LHFPL3: variants seen among roughly 807,000 people sequenced by gnomAD.
LHFPL3 encodes LHFPL tetraspan subfamily member 3 protein.
In LHFPL3, 5 loss-of-function variants were observed where a neutral mutation model predicts 19.3. That is an observed-to-expected ratio of 0.26 (90% CI 0.14 to 0.54). The LOEUF is 0.54. LHFPL3 is among the 20% of genes least tolerant of loss of function. The pLI is 0.94. For missense variants in LHFPL3, 249 were observed against 307.4 expected (o/e 0.81, Z 1.42); for synonymous variants, 133 against 126.2 (o/e 1.05, Z -0.36).
At chr7:104,523,144 A>C (rs1010559027) in intron 1 of LHFPL3, among the ~76,000 whole-genome samples, 1 of 152,122 alleles carries the variant, frequency 6.6e-6, no homozygotes, top group Non-Finnish European at 1.5e-5. Flanking sequence ...ACTTCATATA[A>C]AGTATGCTTC....
chr7:104,591,760 T>A (rs1790728563), intron 1 of LHFPL3, among the ~76,000 whole-genome samples: 1 of 152,206 alleles, frequency 6.6e-6, no homozygotes. Flanking sequence ...ACTAATCAGA[T>A]GTAGATTTGG....
intron 2 of LHFPL3, among the ~76,000 whole-genome samples, chr7:104,850,160 G>A (rs1227864655): frequency 6.6e-6 from 1 of 152,160 alleles, no homozygotes; most frequent in Admixed American, 6.5e-5. Context: ...AAATTAGCCA[G>A]GCGTGGTGGC....
chr7:104,470,211 A>G (rs1023297435), intron 1 of LHFPL3, among the ~76,000 whole-genome samples: 1 of 152,228 alleles, frequency 6.6e-6, no homozygotes, highest in Non-Finnish European at 1.5e-5. Flanking sequence ...ATGGAAAAAA[A>G]TGATCAGTCA....
chr7:104,430,428 A>ATATG (rs1378407408), intron 1 of LHFPL3, among the ~76,000 whole-genome samples: 55 of 11,442 alleles, frequency 4.8e-3, no homozygotes, highest in African/African-American at 0.012. Context: ...ACATATATAT[A>ATATG]TATATATATA....
intron 2 of LHFPL3, 150 bp from the exon 3 acceptor site, chr7:104,906,037 G>T: frequency 1.4e-6 from 1 of 730,434 alleles, no homozygotes. Flanking sequence ...TTCCAGTATT[G>T]TTTGGTAACA....
intron 1 of LHFPL3, among the ~76,000 whole-genome samples, chr7:104,589,622 C>T (rs1370898551): frequency 6.6e-6 from 1 of 152,092 alleles, no homozygotes; most frequent in Non-Finnish European, 1.5e-5. Flanking sequence ...TGATGTTGGC[C>T]TCATAAAATG....
intron 1 of LHFPL3, among the ~76,000 whole-genome samples, chr7:104,577,215 C>T (rs1313949730): frequency 6.6e-6 from 1 of 152,090 alleles, no homozygotes; most frequent in Non-Finnish European, 1.5e-5. Flanking sequence ...ACATATTAAA[C>T]ACATGGGAGA....
At chr7:104,456,466 G>A (rs1483169848) in intron 1 of LHFPL3, among the ~76,000 whole-genome samples, 2 of 152,206 alleles carry the variant, frequency 1.3e-5, no homozygotes, top group East Asian at 3.8e-4. Context: ...GTGGATGCCT[G>A]AAACCTCAGA....
intron 1 of LHFPL3, among the ~76,000 whole-genome samples, chr7:104,700,263 T>C (rs1584486881): frequency 1.3e-5 from 2 of 152,312 alleles, no homozygotes; most frequent in South Asian, 4.1e-4. Context: ...AGCAGAGTAC[T>C]GGTCCCCTTT....
chr7:104,516,414 C>A (rs1554402851), intron 1 of LHFPL3, among the ~76,000 whole-genome samples: 1 of 151,980 alleles, frequency 6.6e-6, no homozygotes, highest in Non-Finnish European at 1.5e-5. Context: ...CAACAAATTT[C>A]CATTTTTTAA....
intron 1 of LHFPL3, among the ~76,000 whole-genome samples, chr7:104,574,162 T>C (rs1790280505): frequency 6.6e-6 from 1 of 152,154 alleles, no homozygotes; most frequent in South Asian, 2.1e-4. Flanking sequence ...AATTTTTCAA[T>C]TATATTTGCC....
At chr7:104,644,198 T>G (rs534013300) in intron 1 of LHFPL3, among the ~76,000 whole-genome samples, 1 of 152,306 alleles carries the variant, frequency 6.6e-6, no homozygotes, top group Non-Finnish European at 1.5e-5. Flanking sequence ...CAGTTTTGTT[T>G]GCTGGATCTT....
intron 1 of LHFPL3, among the ~76,000 whole-genome samples, chr7:104,680,454 G>T (rs567473311): frequency 2.6e-5 from 4 of 152,166 alleles, no homozygotes; most frequent in Non-Finnish European, 5.9e-5. Flanking sequence ...TTGTATGAGT[G>T]ACATGAGCAA....
chr7:104,820,407 G>A (rs942824351), intron 2 of LHFPL3, among the ~76,000 whole-genome samples: 2 of 152,072 alleles, frequency 1.3e-5, no homozygotes, highest in Admixed American at 6.6e-5. Flanking sequence ...TGCATGCCTG[G>A]GATACATTTT....
At chr7:104,595,474 G>A (rs750223374) in intron 1 of LHFPL3, among the ~76,000 whole-genome samples, 7 of 152,168 alleles carry the variant, frequency 4.6e-5, no homozygotes, top group Non-Finnish European at 8.8e-5. Flanking sequence ...GATGTCTGTC[G>A]GCCCCTACTT....
intron 1 of LHFPL3, among the ~76,000 whole-genome samples, chr7:104,461,524 C>A (rs547897541): frequency 2.4e-4 from 36 of 152,100 alleles, no homozygotes; most frequent in Non-Finnish European, 4.7e-4. Flanking sequence ...AAGTATGCAG[C>A]CTTATTTTGG....
chr7:104,518,042 T>C (rs1441581988), intron 1 of LHFPL3, among the ~76,000 whole-genome samples: 1 of 152,072 alleles, frequency 6.6e-6, no homozygotes, highest in Non-Finnish European at 1.5e-5. Context: ...AAAGTCAAAT[T>C]GATGCTGATC....
At chr7:104,339,128 A>C (rs997681484) in intron 1 of LHFPL3, among the ~76,000 whole-genome samples, 3 of 152,110 alleles carry the variant, frequency 2.0e-5, no homozygotes, top group Non-Finnish European at 4.4e-5. Context: ...AGTGCCTGTA[A>C]TCCCAGCTAC....
At chr7:104,625,304 G>C (rs761518502) in intron 1 of LHFPL3, among the ~76,000 whole-genome samples, 2 of 152,342 alleles carry the variant, frequency 1.3e-5, no homozygotes, top group East Asian at 1.9e-4. Context: ...AACAATGACT[G>C]TAATTACATT....
Sources: allele counts gnomAD v4.1 joint callset (sites outside exome capture counted in the v4.1 genomes callset), GRCh38; gene constraint gnomAD v4.1.1; transcripts MANE v1.5; gene names NCBI Gene and HGNC (gene_info 2026-07-23, HGNC 2026-07-21).